Variants in HNRNPC observed in about 807,000 individuals in gnomAD.
HNRNPC encodes heterogeneous nuclear ribonucleoprotein C.
Under a neutral mutation model 33.2 loss-of-function variants are expected in HNRNPC, and 3 were observed. The observed-to-expected ratio is 0.09, with a 90% CI of 0.04 to 0.23. The LOEUF (loss-of-function observed/expected upper bound fraction) is 0.23. Among genes scored for constraint, HNRNPC ranks in the 10% least tolerant of loss-of-function variants. The pLI is 1.00. For missense variants in HNRNPC, 143 were observed against 366.7 expected (o/e 0.39, Z 4.98); for synonymous variants, 121 against 126.7 (o/e 0.96, Z 0.30).
At chr14:21,243,141 G>C (rs1395622049) in intron 2 of HNRNPC, among the ~76,000 whole-genome samples, 2 of 152,126 alleles carry the variant, frequency 1.3e-5, no homozygotes, top group South Asian at 4.2e-4. Flanking sequence ...AATTCTGACT[G>C]AACACTAGAC....
Position 21,211,950 on chromosome 14 carries a change from A to G in HNRNPC, c.524-27T>C, listed in dbSNP as rs148641628. The G allele has an allele frequency of 8.9e-4, 1,369 of 1,538,440 alleles. 8 individuals are homozygous for G. The African/African-American group carries it at 0.017, about 19-fold the overall frequency. On this transcript the variant is annotated intron_variant, in intron 6 of 8. Coordinates refer to ENST00000553300, the MANE Select transcript of HNRNPC (RefSeq NM_004500.4). Reference sequence around the variant, plus strand: ...TTTAATATAAACAAAATACTAGATTAAAATCAAATGTACCGAAGATATGAG... The same window carrying G: ...TTTAATATAAACAAAATACTAGATTGAAATCAAATGTACCGAAGATATGAG...
intron 5 of HNRNPC, among the ~76,000 whole-genome samples, chr14:21,222,751 G>A (rs1037500557): frequency 5.3e-5 from 8 of 152,096 alleles, no homozygotes; most frequent in East Asian, 3.9e-4. Flanking sequence ...AAAATTAGCC[G>A]GGCCTTGTGG....
At chr14:21,229,085 T>TAA (rs56112804) in intron 5 of HNRNPC, among the ~76,000 whole-genome samples, 81 of 107,862 alleles carry the variant, frequency 7.5e-4, no homozygotes, top group African/African-American at 2.3e-3. Context: ...ATTCCGTATT[T>TAA]AAAAAAAAAA....
chr14:21,262,912 G>A (rs529634305), intron 2 of HNRNPC: 1 of 151,950 alleles, frequency 6.6e-6, no homozygotes, highest in Admixed American at 6.6e-5. Flanking sequence ...GACGTCCAGA[G>A]ATGCTCTAAA....
rs116956603 is a variant in HNRNPC, at chr14:21,228,396, T to A, written c.365+1923A>T. 7.8e-3 allele frequency among the ~76,000 whole-genome samples: 1,192 copies of A among 151,976 alleles called. 8 individuals are homozygous for A. The highest frequency in any genetic ancestry group is 0.011 in the Non-Finnish European group (726 of 67,768). On this transcript the variant is annotated intron_variant, in intron 5 of 8. Transcript: ENST00000553300. ...TGGAAGTTCTCCATTGATTTTTATT[T>A]TGTTTTATTTTTTGAGAAGGAGTCT...
intron 4 of HNRNPC, chr14:21,230,690 A>G (rs370401049): frequency 2.1e-6 from 1 of 480,064 alleles, no homozygotes. Flanking sequence ...CTAGTGTCTT[A>G]GAAGCTCAAC....
rs188653264 is a variant in HNRNPC, at chr14:21,222,939, G to A, written c.365+7380C>T. Among the ~76,000 whole-genome samples the A allele has an allele frequency of 2.6e-5, 4 of 151,914 alleles. No homozygotes were observed. The East Asian group carries it at 7.8e-4, about 29-fold the overall frequency. On this transcript the variant is annotated intron_variant, in intron 5 of 8. Coordinates refer to ENST00000553300, the MANE Select transcript of HNRNPC (RefSeq NM_004500.4). ...ACACCAGCTGGGCGTGATGGCTCAC[G>A]CCTGTAATCCTAGCACTTTGGGAGG...
intron 2 of HNRNPC, among the ~76,000 whole-genome samples, chr14:21,249,214 T>C (rs1896339477): frequency 6.6e-6 from 1 of 152,146 alleles, no homozygotes; most frequent in African/African-American, 2.4e-5. Context: ...AAAGCTCTTC[T>C]GCAAAACCCT....
At chr14:21,251,282 AAAG>A (rs1453312396) in intron 2 of HNRNPC, among the ~76,000 whole-genome samples, 4 of 146,722 alleles carry the variant, frequency 2.7e-5, no homozygotes, top group Non-Finnish European at 6.0e-5. Context: ...AAAAAAAAAA[AAAG>A]ACTTCATTTC....
chr14:21,237,991 G>T (rs911426948), intron 2 of HNRNPC, among the ~76,000 whole-genome samples: 2 of 152,070 alleles, frequency 1.3e-5, no homozygotes, highest in African/African-American at 4.8e-5. Context: ...GGGTGATCTT[G>T]AACTTCTGAC....
intron 3 of HNRNPC, among the ~76,000 whole-genome samples, chr14:21,233,747 T>C (rs974710165): frequency 1.1e-4 from 17 of 152,330 alleles, no homozygotes; most frequent in Admixed American, 7.8e-4. Flanking sequence ...AGAGTTGTCC[T>C]AGCTCTACTA....
Position 21,219,806 on chromosome 14 carries a change from C to A in HNRNPC, c.366-6689G>T, listed in dbSNP as rs544579369. 4.6e-5 allele frequency among the ~76,000 whole-genome samples: 7 copies of A among 152,308 alleles called. No homozygotes were observed. In the South Asian group the frequency reaches 8.3e-4, roughly 18 times the overall value. On this transcript the variant is annotated intron_variant, in intron 5 of 8. Transcript: ENST00000553300. ...ACTGCTTACTTAATATCTCTCCAAA[C>A]GGATCAACTTTAACATGTCCACAAC...
chr14:21,229,699 T>C (rs7147840), intron 5 of HNRNPC, among the ~76,000 whole-genome samples: 23,323 of 152,180 alleles, frequency 0.15, 2,272 homozygotes, highest in South Asian at 0.23. Flanking sequence ...CATTCCCCAA[T>C]CAGTAATTTT....
intron 5 of HNRNPC, among the ~76,000 whole-genome samples, chr14:21,215,576 CTA>C (rs1480170794): frequency 6.6e-6 from 1 of 152,174 alleles, no homozygotes; most frequent in African/African-American, 2.4e-5. Context: ...TTAAAACACT[CTA>C]GAGACATTAA....
rs374235101 is a variant in HNRNPC at position 21,230,336 on chromosome 14, T to C, written c.348A>G (p.Gln116=). 421 of 1,609,736 alleles carry C rather than the reference T, an allele frequency of 2.6e-4. No homozygotes were observed. The African/African-American group carries it at 5.1e-3, about 19-fold the overall frequency. Residue 116 remains glutamine (Q), a synonymous_variant, in exon 5 of 9, where the codon CAA becomes CAG. Transcript: ENST00000553300. ...GSSFDLDYDF[Q]RDYYDRMYSY... ...TAACATACCTATCATAATAGTCCCG[T>C]TGAAAGTCATAGTCCAAGTCAAAAG... is the stretch of plus-strand genomic sequence containing the variant.
intron 6 of HNRNPC, among the ~76,000 whole-genome samples, chr14:21,212,291 C>A (rs1369441703): frequency 6.6e-6 from 1 of 152,128 alleles, no homozygotes; most frequent in African/African-American, 2.4e-5. Context: ...GCACGCACCA[C>A]TGCATCAGAC....
intron 2 of HNRNPC, among the ~76,000 whole-genome samples, chr14:21,260,876 T>A (rs1878114442): frequency 6.8e-6 from 1 of 148,104 alleles, no homozygotes; most frequent in Non-Finnish European, 1.5e-5. Flanking sequence ...GGCAGGAGAA[T>A]CGCTTGAACC....
chr14:21,268,173 A>AT lies in HNRNPC; in HGVS notation c.-63+1124dup, dbSNP rs529398677. Among the ~76,000 whole-genome samples, 6 of 152,146 alleles carry AT rather than the reference A, an allele frequency of 3.9e-5. No homozygotes were observed. The South Asian group carries it at 1.2e-3, about 32-fold the overall frequency. ...CAATGTGACACTAAAGATCTAAACA[A>AT]TTTTTTTTAACTTTTAAGTTTTTTA... On this transcript the variant is annotated intron_variant, in intron 1 of 8. Transcript: ENST00000553300.
rs200345882 is a variant in HNRNPC at position 21,251,636 on chromosome 14, T to TGC, written c.-37+11673_-37+11674dup. Among the ~76,000 whole-genome samples the TGC allele has an allele frequency of 8.0e-3, 1,208 of 151,400 alleles. 20 individuals are homozygous for TGC. Among genetic ancestry groups the TGC allele is most frequent in the African/African-American group, 0.028 (1,152 of 41,238 alleles). Reference sequence around the variant, plus strand: ...AGTGGAGGTTGCAGTGAGCCAAGACTGCGCCGCTGCACTCCAGCCTGGGCA... The same window carrying TGC: ...AGTGGAGGTTGCAGTGAGCCAAGACTGCGCGCCGCTGCACTCCAGCCTGGGCA... On this transcript the variant is annotated intron_variant, in intron 2 of 8. Transcript: ENST00000553300.
Sources: allele counts gnomAD v4.1 joint callset (sites outside exome capture counted in the v4.1 genomes callset), GRCh38; gene constraint gnomAD v4.1.1; transcripts MANE v1.5; gene names NCBI Gene and HGNC (gene_info 2026-07-23, HGNC 2026-07-21).